The following FIG4 variants were observed in gnomAD, a reference collection of about 807,000 sequenced individuals.
FIG4 encodes the protein polyphosphoinositide phosphatase.
In FIG4, 112 loss-of-function variants were observed where a neutral mutation model predicts 118.6. The observed-to-expected ratio is 0.94, with a 90% CI of 0.81 to 1.11. The LOEUF (loss-of-function observed/expected upper bound fraction) is 1.11, where lower values mean the gene tolerates loss of function less well. FIG4 is among the 50% of genes least tolerant of loss of function. The pLI, the probability that FIG4 is intolerant of heterozygous loss-of-function variation, is 0.00. For missense variants in FIG4, 969 were observed against 1,111.7 expected (o/e 0.87, Z 1.83); for synonymous variants, 369 against 381.2 (o/e 0.97, Z 0.37).
chr6:109,755,839 T>C (rs944223406), intron 10 of FIG4, among the ~76,000 whole-genome samples: 18 of 152,346 alleles, frequency 1.2e-4, no homozygotes, highest in Middle Eastern at 6.8e-3. Context: ...TCTCTGCACA[T>C]GAGATGGGTC....
intron 22 of FIG4, among the ~76,000 whole-genome samples, chr6:109,822,805 A>G (rs867493886): frequency 3.9e-5 from 5 of 129,800 alleles, no homozygotes; most frequent in Non-Finnish European, 4.6e-5. Flanking sequence ...ATATATATAT[A>G]TATATATATA....
At chr6:109,814,409 T>A (rs1778802520) in intron 22 of FIG4, among the ~76,000 whole-genome samples, 1 of 151,800 alleles carries the variant, frequency 6.6e-6, no homozygotes, top group Non-Finnish European at 1.5e-5. Flanking sequence ...CCCAAAGTGC[T>A]GGGATTATAG....
chr6:109,768,532 C>T (rs1562672972), intron 15 of FIG4, among the ~76,000 whole-genome samples: 1 of 152,132 alleles, frequency 6.6e-6, no homozygotes, highest in Non-Finnish European at 1.5e-5. Flanking sequence ...AATTTATGCA[C>T]AACTTAACTG....
chr6:109,778,470 C>CAAA (rs111576515), intron 16 of FIG4, among the ~76,000 whole-genome samples: 2 of 143,034 alleles, frequency 1.4e-5, no homozygotes. Flanking sequence ...ACCTCTGTCT[C>CAAA]AAAAAAAAAA....
chr6:109,737,460 C>A (rs1470246045), intron 6 of FIG4, among the ~76,000 whole-genome samples: 1 of 152,024 alleles, frequency 6.6e-6, no homozygotes, highest in African/African-American at 2.4e-5. Context: ...ATTATTAATT[C>A]TCTCGTGTAA....
rs143956557 is a variant in FIG4 at position 109,743,108 on chromosome 6, A to C, written c.877-2A>C. 5 of 1,611,096 alleles carry C rather than the reference A, an allele frequency of 3.1e-6. No individual in the cohort carries two copies. Among genetic ancestry groups the C allele is most frequent in the African/African-American group, 1.3e-5 (1 of 74,808 alleles). Reference sequence around the variant, plus strand: ...TATTTTTCAATGCACCTTTCTTTTCAGGGTGATGTTGCAAATGAAGTGGAG... The same window carrying C: ...TATTTTTCAATGCACCTTTCTTTTCCGGGTGATGTTGCAAATGAAGTGGAG... On this transcript the variant is annotated splice_acceptor_variant, in intron 8 of 22. Transcript: ENST00000230124. LOFTEE classifies it high-confidence loss of function.
At chr6:109,742,915 C>T (rs1277505594) in intron 8 of FIG4, among the ~76,000 whole-genome samples, 195 bp from the exon 9 acceptor site, 2 of 151,628 alleles carry the variant, frequency 1.3e-5, no homozygotes, top group African/African-American at 4.9e-5. Context: ...TTTTAATTGC[C>T]TTCTTTATTA....
At chr6:109,758,101 A>G (rs1368566789) in intron 10 of FIG4, among the ~76,000 whole-genome samples, 1 of 152,242 alleles carries the variant, frequency 6.6e-6, no homozygotes, top group Non-Finnish European at 1.5e-5. Context: ...ACAGAATTAG[A>G]AAAAACTTTA....
chr6:109,726,609 A>G (rs1775826857), intron 3 of FIG4, among the ~76,000 whole-genome samples: 1 of 152,190 alleles, frequency 6.6e-6, no homozygotes, highest in South Asian at 2.1e-4. Context: ...TTGGTTCCAT[A>G]TGAAATTTAA....
At chr6:109,778,662 G>C (rs1486941100) in intron 16 of FIG4, among the ~76,000 whole-genome samples, 1 of 151,806 alleles carries the variant, frequency 6.6e-6, no homozygotes, top group African/African-American at 2.4e-5. Flanking sequence ...GCAGTGGCGC[G>C]ATCTCAGCTC....
chr6:109,732,718 A>G (rs1468947782), intron 5 of FIG4, 31 bp downstream of exon 5: 2 of 1,334,454 alleles, frequency 1.5e-6, no homozygotes, highest in African/African-American at 1.4e-5. Context: ...GCTCCTATCA[A>G]TCACATAAAC....
chr6:109,813,694 G>A (rs1778782626), intron 22 of FIG4, among the ~76,000 whole-genome samples: 1 of 152,108 alleles, frequency 6.6e-6, no homozygotes, highest in African/African-American at 2.4e-5. Context: ...ACATGGTACC[G>A]GGATTGGTCT....
At chr6:109,770,402 G>A (rs929058915) in intron 15 of FIG4, among the ~76,000 whole-genome samples, 7 of 152,274 alleles carry the variant, frequency 4.6e-5, no homozygotes, top group South Asian at 4.1e-4. Context: ...ACATGCGTGT[G>A]CATAATTTGA....
intron 10 of FIG4, among the ~76,000 whole-genome samples, chr6:109,756,163 C>G (rs1776890193): frequency 6.6e-6 from 1 of 152,084 alleles, no homozygotes; most frequent in Non-Finnish European, 1.5e-5. Flanking sequence ...ATTTGCTTGT[C>G]TGTAAAGTAT....
intron 1 of FIG4, among the ~76,000 whole-genome samples, chr6:109,695,571 G>A (rs1774686000): frequency 7.2e-6 from 1 of 139,068 alleles, no homozygotes; most frequent in Non-Finnish European, 1.5e-5. Flanking sequence ...CGAGCAAAAT[G>A]CAGTGAATAC....
chr6:109,813,961 G>A (rs1457326599), intron 22 of FIG4, among the ~76,000 whole-genome samples: 1 of 152,104 alleles, frequency 6.6e-6, no homozygotes, highest in Non-Finnish European at 1.5e-5. Context: ...AACCTCCTGG[G>A]ACACCTGGAA....
At chr6:109,785,172 A>G (rs1777916855) in intron 17 of FIG4, 144 bp downstream of exon 17, 1 of 664,396 alleles carries the variant, frequency 1.5e-6, no homozygotes, top group Non-Finnish European at 2.7e-6. Flanking sequence ...CTGCTTTAAT[A>G]GATAGGATAT....
At chr6:109,809,276 C>G (rs1778658666) in intron 22 of FIG4, among the ~76,000 whole-genome samples, 1 of 152,180 alleles carries the variant, frequency 6.6e-6, no homozygotes, top group Non-Finnish European at 1.5e-5. Context: ...CAGTTGTCTT[C>G]TATTAAGCCA....
intron 15 of FIG4, among the ~76,000 whole-genome samples, chr6:109,768,359 CAG>C (rs1246910374): frequency 2.0e-5 from 3 of 152,152 alleles, no homozygotes; most frequent in Non-Finnish European, 2.9e-5. Flanking sequence ...AAGCATCCAT[CAG>C]AGTCAGCTGT....
Sources: allele counts gnomAD v4.1 joint callset (sites outside exome capture counted in the v4.1 genomes callset), GRCh38; gene constraint gnomAD v4.1.1; transcripts MANE v1.5; gene names NCBI Gene and HGNC (gene_info 2026-07-23, HGNC 2026-07-21).